Variants in OSBPL10 observed in about 807,000 individuals in gnomAD.
OSBPL10 encodes oxysterol binding protein like 10, also known as oxysterol-binding protein-related protein 10.
Under a neutral mutation model 81.7 loss-of-function variants are expected in OSBPL10, and 49 were observed. The ratio of observed to expected loss-of-function variants is 0.60; its 90% CI spans 0.48 to 0.76. OSBPL10 has a LOEUF of 0.76. Ranked by LOEUF, OSBPL10 falls within the 30% of genes least tolerant of loss-of-function variation. The pLI is 0.00. For synonymous variants in OSBPL10, 419 were observed against 383.6 expected (o/e 1.09, Z -1.08); for missense variants, 923 against 987.8 (o/e 0.93, Z 0.88).
intron 6 of OSBPL10, 193 bp downstream of exon 6, chr3:31,733,064 C>CT: frequency 1.5e-6 from 1 of 669,462 alleles, no homozygotes; most frequent in East Asian, 2.9e-5. Context: ...TCACCCACAG[C>CT]AGCTGCCAGA....
chr3:31,828,966 GA>G (rs1360640109), intron 4 of OSBPL10, among the ~76,000 whole-genome samples: 6 of 151,346 alleles, frequency 4.0e-5, no homozygotes, highest in Admixed American at 2.6e-4. Context: ...AATCTTTCAA[GA>G]AAAAAAAATT....
Position 31,702,498 on chromosome 3 carries a change from C to T in OSBPL10, c.1106G>A (p.Gly369Asp). 6.2e-7 allele frequency: 1 copy of T among 1,614,102 alleles called. No homozygotes were observed. Among genetic ancestry groups the T allele is most frequent in the Non-Finnish European group, 8.5e-7 (1 of 1,180,018 alleles). ...ATCTTCAGACAAAACCAATTCAGAG[C>T]CTGAGTTTGGCTAAAATGAAATAAT... is the stretch of plus-strand genomic sequence containing the variant. ...TSQPEPEPNS[G>D]SELVLSEDEK... Residue 369 changes from glycine (G) to aspartate (D), a missense_variant, in exon 7 of 12, where the codon GGC becomes GAC. Transcript: ENST00000396556.
chr3:31,930,217 CATATAT>C (rs1415568503), intron 1 of OSBPL10, among the ~76,000 whole-genome samples: 2 of 151,722 alleles, frequency 1.3e-5, no homozygotes, highest in Admixed American at 6.6e-5. Flanking sequence ...TATACATATA[CATATAT>C]GGCCCCTTGA....
chr3:31,837,374 TAGTA>T lies in OSBPL10; in HGVS notation c.538-7147_538-7144del, dbSNP rs370179496. Among the ~76,000 whole-genome samples, 680 of 28,060 alleles carry T rather than the reference TAGTA, an allele frequency of 0.024. 42 individuals are homozygous for T. In the East Asian group the frequency reaches 0.31, roughly 13 times the overall value. 18.4% of individuals were successfully genotyped at this position (28,060 alleles called of 152,430 possible). On this transcript the variant is annotated intron_variant, in intron 3 of 11. Transcript: ENST00000396556. Reference sequence around the variant, plus strand: ...ATATATATATATATATATATATATATAGTAAGTAACATAACACAGAGACCTTTAA... The same window carrying T: ...ATATATATATATATATATATATATATAGTAACATAACACAGAGACCTTTAA...
intron 1 of OSBPL10, among the ~76,000 whole-genome samples, chr3:31,928,777 A>C (rs1697154312): frequency 6.6e-6 from 1 of 151,946 alleles, no homozygotes; most frequent in Non-Finnish European, 1.5e-5. Context: ...AAAAAAAAAA[A>C]AAAAGAATGC....
chr3:31,990,459 CAAG>C, intron 2 of OSBPL10: 1 of 1,568,966 alleles, frequency 6.4e-7, no homozygotes. Flanking sequence ...ATGAGTGTGG[CAAG>C]ACCTTCCATC....
rs34795137 is a variant in OSBPL10, at chr3:31,809,869, C to CTTTTTTTTTTTTTTT, written c.729+20156_729+20170dup. On this transcript the variant is annotated intron_variant, in intron 4 of 11. Coordinates refer to ENST00000396556, the MANE Select transcript of OSBPL10 (RefSeq NM_017784.5). ...AAATGTCAATGGGTGCCCCCTGACT[C>CTTTTTTTTTTTTTTT]TTTTTTTTTTTTTTTTTTTGAGATG... is the stretch of plus-strand genomic sequence containing the variant. Among the ~76,000 whole-genome samples, 114 of 98,602 alleles carry CTTTTTTTTTTTTTTT rather than the reference C, an allele frequency of 1.2e-3. 9 individuals carry two copies. Among genetic ancestry groups the CTTTTTTTTTTTTTTT allele is most frequent in the African/African-American group, 5.5e-3 (101 of 18,408 alleles). The allele number at this position is 98,602 out of a possible 152,430, so 64.7% of individuals were successfully genotyped here.
At chr3:31,833,334 T>A (rs1575573396) in intron 3 of OSBPL10, among the ~76,000 whole-genome samples, 1 of 152,132 alleles carries the variant, frequency 6.6e-6, no homozygotes, top group East Asian at 1.9e-4. Context: ...CTGGGGTGAG[T>A]TATTTAAGTT....
intron 6 of OSBPL10, among the ~76,000 whole-genome samples, chr3:31,722,132 C>T (rs925484208): frequency 7.2e-5 from 11 of 152,280 alleles, no homozygotes; most frequent in African/African-American, 2.6e-4. Context: ...CCTCAAAATA[C>T]CCTTGAGACT....
At chr3:31,989,113 G>T (rs746416870) in intron 2 of OSBPL10, 12 of 1,614,098 alleles carry the variant, frequency 7.4e-6, no homozygotes, top group Non-Finnish European at 1.0e-5. Flanking sequence ...GAAGAGGAAA[G>T]AAAAGGAGCC....
intron 4 of OSBPL10, chr3:31,795,446 C>T (rs1699180766): frequency 6.0e-6 from 1 of 166,370 alleles, no homozygotes; most frequent in Non-Finnish European, 1.4e-5. Flanking sequence ...GTGTCTGGCC[C>T]ACAAAACCTT....
chr3:31,673,196 G>A (rs1380792926), intron 8 of OSBPL10, among the ~76,000 whole-genome samples: 1 of 152,166 alleles, frequency 6.6e-6, no homozygotes, highest in African/African-American at 2.4e-5. Flanking sequence ...GGAATGTTGT[G>A]TTCTGAGGAG....
intron 6 of OSBPL10, among the ~76,000 whole-genome samples, chr3:31,720,848 C>T (rs1696617924): frequency 1.5e-5 from 2 of 137,146 alleles, no homozygotes; most frequent in Non-Finnish European, 3.0e-5. Context: ...CGCTACTGCA[C>T]TCCAGCCTGG....
intron 2 of OSBPL10, among the ~76,000 whole-genome samples, chr3:31,877,209 G>A (rs1381551181): frequency 6.6e-6 from 1 of 152,102 alleles, no homozygotes. Context: ...CGGCCTCAAA[G>A]GGCAGTTTTT....
intron 6 of OSBPL10, among the ~76,000 whole-genome samples, chr3:31,723,283 G>A (rs576960789): frequency 4.7e-4 from 71 of 152,198 alleles, no homozygotes; most frequent in Non-Finnish European, 7.8e-4. Context: ...AGTGGTGACA[G>A]AGCACCGCAT....
At chr3:32,051,787 G>A (rs143697647) in intron 1 of OSBPL10, among the ~76,000 whole-genome samples, 124 of 152,216 alleles carry the variant, frequency 8.1e-4, no homozygotes, top group African/African-American at 2.6e-3. Flanking sequence ...GTCTGTCTGC[G>A]TATTTATATG....
intron 6 of OSBPL10, among the ~76,000 whole-genome samples, chr3:31,722,683 A>G (rs1000294343): frequency 1.3e-5 from 2 of 152,126 alleles, no homozygotes; most frequent in Admixed American, 6.5e-5. Context: ...TAAAGTCAGA[A>G]TTACAAGCTG....
chr3:31,681,901 T>G (rs1700659400), intron 8 of OSBPL10, among the ~76,000 whole-genome samples: 1 of 152,230 alleles, frequency 6.6e-6, no homozygotes, highest in African/African-American at 2.4e-5. Context: ...GACTAAACCC[T>G]AACAACCGCC....
In OSBPL10 at chr3:31,676,287, T is replaced by TA. The variant is rs893254871; in HGVS notation, c.1727-5305dup. Among the ~76,000 whole-genome samples the TA allele has an allele frequency of 1.3e-4, 19 of 150,198 alleles. No homozygotes were observed. The East Asian group carries it at 1.6e-3, about 12-fold the overall frequency. On this transcript the variant is annotated intron_variant, in intron 8 of 11. Coordinates refer to ENST00000396556, the MANE Select transcript of OSBPL10 (RefSeq NM_017784.5). ...TACTCTTTTTTTTCAGGGTTGCATT[T>TA]AAAAAAAAATCTCCTTAATATGAAT...
Sources: gnomAD v4.1 joint callset for allele counts (sites outside exome capture counted in the v4.1 genomes callset) on GRCh38, gnomAD v4.1.1 for gene constraint, MANE v1.5 for transcripts, NCBI Gene and HGNC (gene_info 2026-07-23, HGNC 2026-07-21) for gene names.